NME7: variants seen among roughly 807,000 people sequenced by gnomAD.
NME7 encodes nucleoside diphosphate kinase 7.
NME7 carries 41 observed loss-of-function variants against 49.1 expected under a neutral mutation model. The observed-to-expected ratio is 0.83, with a 90% CI of 0.65 to 1.08. The LOEUF (loss-of-function observed/expected upper bound fraction) is 1.08, where lower values mean the gene tolerates loss of function less well. Ranked by LOEUF, NME7 falls within the 50% of genes least tolerant of loss-of-function variation. The probability of loss-of-function intolerance (pLI) is 0.00; values close to 1 mark genes in which losing one functional copy is unlikely to be tolerated. For synonymous variants in NME7, 139 were observed against 150.6 expected, an observed-to-expected ratio of 0.92 and a Z score of 0.56; for missense variants, 423 against 463.4, an observed-to-expected ratio of 0.91 and a Z score of 0.80.
intron 10 of NME7, among the ~76,000 whole-genome samples, chr1:169,221,432 A>C (rs1238613553): frequency 6.6e-6 from 1 of 151,994 alleles, no homozygotes; most frequent in African/African-American, 2.4e-5. Flanking sequence ...TGCTCATTAC[A>C]TGGTGTTTCT....
At chr1:169,314,153 A>G (rs1025680810) in intron 3 of NME7, among the ~76,000 whole-genome samples, 5 of 152,068 alleles carry the variant, frequency 3.3e-5, no homozygotes. Context: ...AATAATCCCA[A>G]ACAGAATGTT....
chr1:169,361,159 G>A (rs1421891392), intron 1 of NME7, among the ~76,000 whole-genome samples: 2 of 151,936 alleles, frequency 1.3e-5, no homozygotes, highest in Non-Finnish European at 2.9e-5. Context: ...AATAACTGGT[G>A]AATGAGAAAG....
At chr1:169,161,616 T>C (rs1443550408) in intron 11 of NME7, among the ~76,000 whole-genome samples, 1 of 152,256 alleles carries the variant, frequency 6.6e-6, no homozygotes, top group African/African-American at 2.4e-5. Flanking sequence ...GAGTCTAGCA[T>C]AGCTGACTCC....
chr1:169,169,316 T>C (rs1571260274), intron 11 of NME7, 131 bp downstream of exon 11: 2 of 726,942 alleles, frequency 2.8e-6, no homozygotes, highest in East Asian at 5.2e-5. Flanking sequence ...GTAACAAAAC[T>C]GCACTCTCTG....
chr1:169,237,552 A>G (rs1223486625), intron 8 of NME7, 71 bp downstream of exon 8: 5 of 1,133,972 alleles, frequency 4.4e-6, no homozygotes, highest in Non-Finnish European at 6.6e-6. Context: ...GGAACATTCA[A>G]TGTAAAGCAT....
rs199987751 is a variant in NME7 at position 169,287,427 on chromosome 1, G to T, written c.649-19C>A. ...CCATTTCCTAAAGACAGAGAGAAATGATTTTGACAAATGTGATCTCTTATC... is the reference window on the plus strand; with the variant it reads ...CCATTTCCTAAAGACAGAGAGAAATTATTTTGACAAATGTGATCTCTTATC... On this transcript the variant is annotated intron_variant, in intron 6 of 11. Coordinates refer to ENST00000367811, the MANE Select transcript of NME7 (RefSeq NM_013330.5). 857 of 1,526,106 alleles carry T rather than the reference G, an allele frequency of 5.6e-4. 1 individual carries two copies. The highest frequency in any genetic ancestry group is 7.1e-4 in the Non-Finnish European group (804 of 1,124,652). The allele number at this position is 1,526,106 out of a possible 1,614,324, so 94.5% of individuals were successfully genotyped here.
chr1:169,356,528 A>G (rs1383693665), intron 1 of NME7, among the ~76,000 whole-genome samples: 3 of 152,190 alleles, frequency 2.0e-5, no homozygotes, highest in Non-Finnish European at 2.9e-5. Flanking sequence ...TTGAAAATGT[A>G]TATCTCAGAA....
At chr1:169,257,253 A>T (rs1462805353) in intron 7 of NME7, among the ~76,000 whole-genome samples, 1 of 134,472 alleles carries the variant, frequency 7.4e-6, no homozygotes, top group African/African-American at 2.5e-5. Flanking sequence ...CAGGTGCGGG[A>T]TATAATCTCG....
intron 10 of NME7, among the ~76,000 whole-genome samples, chr1:169,204,458 C>T (rs1557986554): frequency 6.6e-6 from 1 of 152,036 alleles, no homozygotes; most frequent in Middle Eastern, 3.2e-3. Flanking sequence ...TACTATTATA[C>T]TATATCCAAT....
intron 11 of NME7, among the ~76,000 whole-genome samples, chr1:169,157,571 C>A (rs1329306647): frequency 6.6e-6 from 1 of 152,196 alleles, no homozygotes; most frequent in Non-Finnish European, 1.5e-5. Flanking sequence ...TGAGACTTCC[C>A]CCCAAAAAAT....
chr1:169,271,798 T>C (rs966047479), intron 7 of NME7, among the ~76,000 whole-genome samples: 7 of 132,924 alleles, frequency 5.3e-5, no homozygotes, highest in African/African-American at 1.8e-4. Context: ...ATGCCTATAC[T>C]ATATTACAGG....
chr1:169,196,666 G>A (rs1435637468), intron 10 of NME7, among the ~76,000 whole-genome samples: 1 of 152,176 alleles, frequency 6.6e-6, no homozygotes, highest in Non-Finnish European at 1.5e-5. Flanking sequence ...AACTACTTAA[G>A]AGAAATTCTA....
chr1:169,192,198 C>T lies in NME7; in HGVS notation c.991-22644G>A, dbSNP rs115604221. ...CCAGGTGAGAGGTGTAGACAATTAACGGCATAGGAGTTTGAAGGAAGGCAA... is the reference window on the plus strand; with the variant it reads ...CCAGGTGAGAGGTGTAGACAATTAATGGCATAGGAGTTTGAAGGAAGGCAA... On this transcript the variant is annotated intron_variant, in intron 10 of 11. Transcript: ENST00000367811. Among the ~76,000 whole-genome samples, 294 of 152,178 alleles carry T rather than the reference C, an allele frequency of 1.9e-3. 4 individuals are homozygous for T. Among genetic ancestry groups the T allele is most frequent in the African/African-American group, 6.8e-3 (284 of 41,512 alleles).
chr1:169,362,005 C>T (rs1653678362), intron 1 of NME7, among the ~76,000 whole-genome samples: 1 of 151,292 alleles, frequency 6.6e-6, no homozygotes. Context: ...GTCAGGAGCT[C>T]GAGACCAGCC....
intron 11 of NME7, chr1:169,169,027 T>C (rs968760689): frequency 2.3e-6 from 1 of 430,602 alleles, no homozygotes; most frequent in Non-Finnish European, 4.5e-6. Flanking sequence ...TAAAAACAAA[T>C]TTCACAGAAT....
intron 1 of NME7, among the ~76,000 whole-genome samples, chr1:169,336,315 G>T (rs939996365): frequency 1.3e-5 from 2 of 151,990 alleles, no homozygotes; most frequent in South Asian, 2.1e-4. Context: ...AAAGAACAAA[G>T]CTTCCACAGT....
At chr1:169,266,552 C>T (rs1649325165) in intron 7 of NME7, among the ~76,000 whole-genome samples, 1 of 133,708 alleles carries the variant, frequency 7.5e-6, no homozygotes, top group Admixed American at 7.3e-5. Context: ...GACAAGGATG[C>T]CCTCTATCAC....
chr1:169,178,547 T>G (rs1397205187), intron 10 of NME7, among the ~76,000 whole-genome samples: 1 of 152,142 alleles, frequency 6.6e-6, no homozygotes, highest in Non-Finnish European at 1.5e-5. Context: ...CTTAAGGCCC[T>G]GCAACACTTA....
intron 7 of NME7, chr1:169,285,217 A>G (rs1042133665): frequency 6.6e-6 from 1 of 152,160 alleles, no homozygotes; most frequent in South Asian, 2.1e-4. Context: ...TCCAATAAAC[A>G]TAAACCAGTG....
Sources: allele counts gnomAD v4.1 joint callset (sites outside exome capture counted in the v4.1 genomes callset), GRCh38; gene constraint gnomAD v4.1.1; transcripts MANE v1.5; gene names NCBI Gene and HGNC (gene_info 2026-07-23, HGNC 2026-07-21).